Variants in EFCAB5 observed in about 807,000 individuals in gnomAD.
EFCAB5 encodes the protein EF-hand calcium-binding domain-containing protein 5.
A neutral mutation model predicts 167.9 loss-of-function variants in EFCAB5; 131 were observed. That is an observed-to-expected ratio of 0.78 (90% CI 0.68 to 0.90). EFCAB5 has a LOEUF of 0.90. Among genes scored for constraint, EFCAB5 ranks in the 40% least tolerant of loss-of-function variants. The probability of loss-of-function intolerance (pLI) is 0.00; values close to 1 mark genes in which losing one functional copy is unlikely to be tolerated. For missense variants in EFCAB5, 1,663 were observed against 1,745.2 expected (o/e 0.95, Z 0.84); for synonymous variants, 574 against 602.8 (o/e 0.95, Z 0.70).
chr17:30,089,671 T>G (rs1238673460), intron 19 of EFCAB5, among the ~76,000 whole-genome samples: 1 of 152,132 alleles, frequency 6.6e-6, no homozygotes, highest in Non-Finnish European at 1.5e-5. Flanking sequence ...ACCGTAACTT[T>G]CTCTGGAGGA....
rs985977791 is a variant in EFCAB5 at position 30,078,267 on chromosome 17, G to A, written c.2790G>A (p.Leu930=). The A allele has an allele frequency of 1.2e-6, 2 of 1,613,890 alleles. No homozygotes were observed. The highest frequency in any genetic ancestry group is 1.1e-5 in the South Asian group (1 of 91,076). Residue 930 remains leucine, a synonymous_variant, in exon 15 of 23, where the codon TTG becomes TTA. Coordinates refer to ENST00000394835, the MANE Select transcript of EFCAB5 (RefSeq NM_198529.4). ...PKPHPGHEVR[L]SSKQFQNYIE... The stretch of plus-strand genomic sequence containing the variant: ...CACACCCTGGTCACGAAGTGAGATT[G>A]TCTTCAAAACAATTTCAGAATTACA...
chr17:29,994,873 T>G (rs1333256555), intron 5 of EFCAB5, among the ~76,000 whole-genome samples: 1 of 152,228 alleles, frequency 6.6e-6, no homozygotes, highest in African/African-American at 2.4e-5. Flanking sequence ...AGTCCATCCC[T>G]AAAGAACTGA....
chr17:30,003,271 T>C (rs996967109), intron 7 of EFCAB5, among the ~76,000 whole-genome samples: 1 of 152,120 alleles, frequency 6.6e-6, no homozygotes, highest in East Asian at 1.9e-4. Flanking sequence ...GTTCTTGCTC[T>C]GTTACCCAGG....
intron 4 of EFCAB5, among the ~76,000 whole-genome samples, chr17:29,975,293 C>G (rs1467712779): frequency 6.6e-6 from 1 of 151,452 alleles, no homozygotes; most frequent in Non-Finnish European, 1.5e-5. Context: ...AAATCTCACT[C>G]TGGTTCCCCA....
At chr17:29,969,424 A>C in intron 4 of EFCAB5, 57 bp downstream of exon 4, 1 of 1,383,936 alleles carries the variant, frequency 7.2e-7, no homozygotes, top group East Asian at 2.4e-5. Context: ...AAAAACTAGT[A>C]GAAAAAATAA....
chr17:29,984,089 C>T lies in EFCAB5; in HGVS notation c.768-9076C>T, dbSNP rs544059962. On this transcript the variant is annotated intron_variant, in intron 4 of 22. Transcript: ENST00000394835. ...TAATGGCAGAATCCATAGTAGGTGC[C>T]GAATAAATATTTATATAATGAATGA... 4.0e-5 allele frequency among the ~76,000 whole-genome samples: 6 copies of T among 151,288 alleles called. No homozygotes were observed. In the South Asian group the frequency reaches 1.0e-3, roughly 26 times the overall value.
intron 1 of EFCAB5, among the ~76,000 whole-genome samples, chr17:29,936,089 A>G (rs2067243047): frequency 6.6e-6 from 1 of 152,252 alleles, no homozygotes; most frequent in Admixed American, 6.5e-5. Flanking sequence ...AGTCAGGGAA[A>G]AAGTGGCACA....
At chr17:30,055,424 T>C (rs948377478) in intron 10 of EFCAB5, among the ~76,000 whole-genome samples, 3 of 152,104 alleles carry the variant, frequency 2.0e-5, no homozygotes, top group African/African-American at 7.2e-5. Context: ...GAAAATTGTA[T>C]TCTGAGGTTG....
At chr17:30,038,784 A>G (rs1004498543) in intron 8 of EFCAB5, among the ~76,000 whole-genome samples, 4 of 152,212 alleles carry the variant, frequency 2.6e-5, no homozygotes, top group Non-Finnish European at 5.9e-5. Flanking sequence ...TTTTGTATCC[A>G]TGCTGATTTT....
intron 8 of EFCAB5, among the ~76,000 whole-genome samples, chr17:30,048,011 T>C (rs948510020): frequency 3.3e-5 from 5 of 152,190 alleles, no homozygotes; most frequent in African/African-American, 1.2e-4. Flanking sequence ...AAAGGAAATA[T>C]CACAGACTCA....
chr17:30,040,412 TTA>T (rs2069738789), intron 8 of EFCAB5, among the ~76,000 whole-genome samples: 1 of 152,236 alleles, frequency 6.6e-6, no homozygotes, highest in African/African-American at 2.4e-5. Context: ...TATGGTGGTA[TTA>T]TGGAGAACCT....
At chr17:30,071,669 A>T (rs1326165648) in intron 14 of EFCAB5, among the ~76,000 whole-genome samples, 3 of 152,164 alleles carry the variant, frequency 2.0e-5, no homozygotes, top group Non-Finnish European at 4.4e-5. Context: ...AAAGGAAATA[A>T]GTATGTTAAA....
rs1567744081 is a variant in EFCAB5 at position 30,053,751 on chromosome 17, CAG to C, written c.1802_1803del (p.Glu601ValfsTer76). On this transcript the variant is annotated frameshift_variant, in exon 10 of 23. Coordinates refer to ENST00000394835, the MANE Select transcript of EFCAB5 (RefSeq NM_198529.4). LOFTEE classifies it high-confidence loss of function. Reference protein sequence around the residue: ...RVSVSEQGSSRESVAEQGSRR... With the variant: ...RVSVSEQGSSXESVAEQGSRR... ...TGTCAGTTTCAGAACAAGGATCAAG[CAG>C]AGAGTCAGTTGCAGAACAAGGGTCA... The C allele has an allele frequency of 5.6e-6, 9 of 1,613,892 alleles. No individual in the cohort carries two copies. Among genetic ancestry groups the C allele is most frequent in the African/African-American group, 1.3e-5 (1 of 74,990 alleles).
intron 7 of EFCAB5, among the ~76,000 whole-genome samples, chr17:30,001,970 C>T (rs2151657254): frequency 6.6e-6 from 1 of 152,312 alleles, no homozygotes; most frequent in Admixed American, 6.5e-5. Flanking sequence ...AGACTAGACC[C>T]AGGTCAGCCT....
intron 7 of EFCAB5, among the ~76,000 whole-genome samples, chr17:30,013,180 G>A (rs1392297669): frequency 1.3e-5 from 2 of 152,166 alleles, no homozygotes; most frequent in Non-Finnish European, 2.9e-5. Context: ...TAAGCTTTTT[G>A]ATGTGCTGCT....
chr17:30,096,677 A>ATATTT (rs1193558323), intron 22 of EFCAB5, among the ~76,000 whole-genome samples: 9 of 60,128 alleles, frequency 1.5e-4, no homozygotes, highest in African/African-American at 5.9e-4. Flanking sequence ...ATATATATAT[A>ATATTT]TTTTTTTTTT....
chr17:29,947,566 T>TA (rs1288452970), intron 3 of EFCAB5, among the ~76,000 whole-genome samples: 1 of 152,230 alleles, frequency 6.6e-6, no homozygotes, highest in Non-Finnish European at 1.5e-5. Context: ...CCTGAAAATT[T>TA]AAAATTTTTT....
intron 19 of EFCAB5, 92 bp downstream of exon 19, chr17:30,087,258 T>C (rs2071107968): frequency 1.0e-6 from 1 of 963,310 alleles, no homozygotes. Flanking sequence ...CTCTTGCTCA[T>C]ACACGCTGAC....
At chr17:30,005,865 TGCCACATAGCA>T (rs2068763513) in intron 7 of EFCAB5, among the ~76,000 whole-genome samples, 1 of 152,242 alleles carries the variant, frequency 6.6e-6, no homozygotes, top group Non-Finnish European at 1.5e-5. Context: ...CCATCAGTCT[TGCCACATAGCA>T]GCCTTATCTT....
Sources: allele counts gnomAD v4.1 joint callset (sites outside exome capture counted in the v4.1 genomes callset), GRCh38; gene constraint gnomAD v4.1.1; transcripts MANE v1.5; gene names NCBI Gene and HGNC (gene_info 2026-07-23, HGNC 2026-07-21).